Variants in PCDHGB1 observed in about 807,000 individuals in gnomAD.
PCDHGB1 encodes protocadherin gamma subfamily B, 1.
PCDHGB1 carries 34 observed loss-of-function variants against 56.6 expected under a neutral mutation model. That is an observed-to-expected ratio of 0.60 (90% confidence interval 0.46 to 0.80). The LOEUF is 0.80. PCDHGB1 is among the 30% of genes least tolerant of loss of function. The pLI is 0.00. For synonymous variants in PCDHGB1, 561 were observed against 505.9 expected (o/e 1.11, Z -1.46); for missense variants, 1,278 against 1,204.6 (o/e 1.06, Z -0.90).
chr5:141,462,872 AG>A (rs1254807813), intron 1 of PCDHGB1, among the ~76,000 whole-genome samples: 54 of 152,272 alleles, frequency 3.5e-4, no homozygotes, highest in Middle Eastern at 6.8e-3. Flanking sequence ...TCTTTCTTTA[AG>A]AACTATTGCA....
chr5:141,507,495 G>T (rs375483743), intron 3 of PCDHGB1, among the ~76,000 whole-genome samples: 2 of 152,234 alleles, frequency 1.3e-5, no homozygotes, highest in Non-Finnish European at 2.9e-5. Context: ...AGGCAGAGCT[G>T]TCCCAGGTCT....
At chr5:141,395,542 TTGTGTGTGTGTGTGTGTGTGTG>T (rs55729045) in intron 1 of PCDHGB1, 19 of 172,620 alleles carry the variant, frequency 1.1e-4, no homozygotes, top group Admixed American at 1.0e-3. Context: ...TTGCTATTGT[TTGTGTGTGTGTGTGTGTGTGTG>T]TGTGTGTGTG....
chr5:141,390,386 A>C, intron 1 of PCDHGB1: 2 of 1,432,848 alleles, frequency 1.4e-6, no homozygotes, highest in Non-Finnish European at 1.9e-6. Context: ...TTTAGATGTC[A>C]TGGATCATTT....
chr5:141,429,169 TACACACACACACACACACAC>T (rs10667977), intron 1 of PCDHGB1: 4 of 145,394 alleles, frequency 2.8e-5, no homozygotes, highest in Non-Finnish European at 6.0e-5. Flanking sequence ...ACATTGTTTA[TACACACACACACACACACAC>T]ACACACACAC....
chr5:141,395,528 A>T, intron 1 of PCDHGB1: 1 of 368,434 alleles, frequency 2.7e-6, no homozygotes, highest in Non-Finnish European at 4.9e-6. Flanking sequence ...CCATACTGGT[A>T]ATTTTGCTAT....
chr5:141,367,409 C>G (rs923534694), intron 1 of PCDHGB1: 1 of 152,094 alleles, frequency 6.6e-6, no homozygotes, highest in Non-Finnish European at 1.5e-5. Flanking sequence ...TGGTGGCAGG[C>G]GCCTGTAGTC....
chr5:141,441,918 C>A (rs1183933153), intron 1 of PCDHGB1: 8 of 351,246 alleles, frequency 2.3e-5, no homozygotes, highest in African/African-American at 1.1e-4. Flanking sequence ...ATGTGAGACA[C>A]AATGCGTGGC....
chr5:141,451,739 G>A (rs1343538104), intron 1 of PCDHGB1, among the ~76,000 whole-genome samples: 1 of 152,082 alleles, frequency 6.6e-6, no homozygotes, highest in East Asian at 1.9e-4. Flanking sequence ...AAAATTAGCT[G>A]GTCTGGTGGT....
chr5:141,501,621 A>T (rs1348614977), intron 2 of PCDHGB1, among the ~76,000 whole-genome samples: 1 of 152,100 alleles, frequency 6.6e-6, no homozygotes, highest in Non-Finnish European at 1.5e-5. Context: ...ACTCTGGTAT[A>T]GTCTCTCAAC....
intron 1 of PCDHGB1, chr5:141,392,836 C>T: frequency 6.2e-7 from 1 of 1,608,040 alleles, no homozygotes; most frequent in Non-Finnish European, 8.5e-7. Context: ...CAGAGTCGCC[C>T]CAGACGCGGC....
At chr5:141,420,883 C>A (rs992351503) in intron 1 of PCDHGB1, among the ~76,000 whole-genome samples, 1 of 152,216 alleles carries the variant, frequency 6.6e-6, no homozygotes, top group Non-Finnish European at 1.5e-5. Context: ...TATTGTGTAT[C>A]ATCGTTTTTA....
intron 1 of PCDHGB1, chr5:141,356,926 G>T (rs756576284): frequency 1.2e-6 from 2 of 1,614,174 alleles, no homozygotes; most frequent in Admixed American, 3.3e-5. Context: ...CACTGGTGTG[G>T]AGCTGGCACC....
chr5:141,421,322 T>TC (rs761059925), intron 1 of PCDHGB1: 24 of 1,613,746 alleles, frequency 1.5e-5, no homozygotes, highest in Middle Eastern at 1.6e-4. Flanking sequence ...GCCAGGCAGA[T>TC]CCGATATTCG....
chr5:141,417,518 G>C (rs193231266), intron 1 of PCDHGB1: 8 of 257,454 alleles, frequency 3.1e-5, no homozygotes, highest in Non-Finnish European at 5.1e-5. Context: ...TATTTTGGCT[G>C]TCAACTCGTA....
rs774055546 is a variant in PCDHGB1, at chr5:141,360,808, A to T, written c.2409+8139A>T. On this transcript the variant is annotated intron_variant, in intron 1 of 3. Transcript: ENST00000523390. ...TGGCGGAGACCCACCTCAAAGTGGC[A>T]CGACCCAAATCCGAATCAAAGTCAC... is the stretch of plus-strand genomic sequence containing the variant. The T allele has an allele frequency of 1.9e-6, 3 of 1,613,856 alleles. No individual in the cohort carries two copies. The African/African-American group carries it at 4.0e-5, about 22-fold the overall frequency.
intron 1 of PCDHGB1, chr5:141,405,435 T>TAG: frequency 6.8e-7 from 1 of 1,463,324 alleles, no homozygotes; most frequent in Non-Finnish European, 9.3e-7. Flanking sequence ...TTGTTTTGTT[T>TAG]TTGAGACAGA....
chr5:141,476,601 C>A lies in PCDHGB1; in HGVS notation c.2410-18206C>A. On this transcript the variant is annotated intron_variant, in intron 1 of 3. Coordinates refer to ENST00000523390, the MANE Select transcript of PCDHGB1 (RefSeq NM_018922.3). The surrounding 1 kb of genome is among the most constrained non-coding windows in gnomAD (Gnocchi z 7.6). ...TTTCCGCTCGAGAGCGCGCACGATC[C>A]CGATGTGGGAAGCAACTCTTTACAA... The A allele has an allele frequency of 6.2e-7, 1 of 1,614,228 alleles. No homozygotes were observed. The highest frequency in any genetic ancestry group is 2.2e-5 in the East Asian group (1 of 44,878).
At chr5:141,463,981 A>G (rs1441851777) in intron 1 of PCDHGB1, among the ~76,000 whole-genome samples, 1 of 152,150 alleles carries the variant, frequency 6.6e-6, no homozygotes, top group Non-Finnish European at 1.5e-5. Context: ...ACTCCATTGT[A>G]AAAACCAGGT....
At chr5:141,418,817 G>A (rs2154547923) in intron 1 of PCDHGB1, 1 of 1,613,882 alleles carries the variant, frequency 6.2e-7, no homozygotes, top group Non-Finnish European at 8.5e-7. Flanking sequence ...GATAAACATA[G>A]AAGCAAAAGA....
Sources: gnomAD v4.1 joint callset for allele counts (sites outside exome capture counted in the v4.1 genomes callset) on GRCh38, gnomAD v4.1.1 for gene constraint, Gnocchi (gnomAD v3.1) non-coding constraint, MANE v1.5 for transcripts, NCBI Gene and HGNC (gene_info 2026-07-23, HGNC 2026-07-21) for gene names.